ST6GALNAC3: variants seen among roughly 807,000 people sequenced by gnomAD.
ST6GALNAC3 encodes alpha-N-acetylgalactosaminide alpha-2,6-sialyltransferase 3.
A neutral mutation model predicts 32.7 loss-of-function variants in ST6GALNAC3; 25 were observed. The ratio of observed to expected loss-of-function variants is 0.76; its 90% CI spans 0.56 to 1.07. The LOEUF (loss-of-function observed/expected upper bound fraction) is 1.07, where lower values mean the gene tolerates loss of function less well. ST6GALNAC3 is among the 50% of genes least tolerant of loss of function. The probability of loss-of-function intolerance (pLI) is 0.00; values close to 1 mark genes in which losing one functional copy is unlikely to be tolerated. For missense variants in ST6GALNAC3, 355 were observed against 382.4 expected (o/e 0.93, Z 0.60); for synonymous variants, 129 against 133.1 (o/e 0.97, Z 0.21).
At chr1:76,519,796 T>A (rs1343330499) in intron 3 of ST6GALNAC3, among the ~76,000 whole-genome samples, 1 of 151,774 alleles carries the variant, frequency 6.6e-6, no homozygotes, top group Non-Finnish European at 1.5e-5. Context: ...ATTGTGCTTT[T>A]AATTTCCAAG....
At chr1:76,277,524 A>G (rs1221242682) in intron 1 of ST6GALNAC3, among the ~76,000 whole-genome samples, 17 of 127,002 alleles carry the variant, frequency 1.3e-4, no homozygotes, top group Non-Finnish European at 2.8e-4. Context: ...GTATATGTTT[A>G]TGTGTATATA....
chr1:76,181,267 A>T (rs1198599908), intron 1 of ST6GALNAC3, among the ~76,000 whole-genome samples: 1 of 152,216 alleles, frequency 6.6e-6, no homozygotes, highest in Non-Finnish European at 1.5e-5. Flanking sequence ...TTATTCAGAC[A>T]TGGATAGAAT....
chr1:76,330,078 C>G (rs1234250736), intron 2 of ST6GALNAC3, among the ~76,000 whole-genome samples: 3 of 152,048 alleles, frequency 2.0e-5, no homozygotes, highest in South Asian at 2.1e-4. Context: ...GTTGGGATTA[C>G]AAGCGTAAGC....
intron 1 of ST6GALNAC3, among the ~76,000 whole-genome samples, chr1:76,272,962 T>C (rs1008525533): frequency 3.9e-5 from 6 of 152,220 alleles, no homozygotes; most frequent in African/African-American, 1.4e-4. Context: ...AGGGGTACTT[T>C]ACCTGTGGGG....
At chr1:76,343,701 TACA>T (rs1392878720) in intron 2 of ST6GALNAC3, among the ~76,000 whole-genome samples, 1 of 152,188 alleles carries the variant, frequency 6.6e-6, no homozygotes, top group African/African-American at 2.4e-5. Flanking sequence ...CCCTACAGAG[TACA>T]AAGGTAAAGT....
At chr1:76,280,224 A>G in intron 1 of ST6GALNAC3, among the ~76,000 whole-genome samples, 1 of 152,156 alleles carries the variant, frequency 6.6e-6, no homozygotes, top group East Asian at 1.9e-4. Flanking sequence ...AGATGGAGAC[A>G]GTTTCAGAAA....
At chr1:76,304,781 G>A (rs547953656) in intron 1 of ST6GALNAC3, among the ~76,000 whole-genome samples, 14 of 152,178 alleles carry the variant, frequency 9.2e-5, no homozygotes, top group African/African-American at 3.4e-4. Context: ...TTGTCGGGAT[G>A]CCTCTGGCAG....
At chr1:76,607,022 G>A (rs1365564455) in intron 3 of ST6GALNAC3, among the ~76,000 whole-genome samples, 11 of 152,030 alleles carry the variant, frequency 7.2e-5, no homozygotes, top group African/African-American at 2.7e-4. Context: ...TGCAGACCTG[G>A]GCCTCTCATA....
intron 3 of ST6GALNAC3, among the ~76,000 whole-genome samples, chr1:76,499,088 A>C (rs771956084): frequency 1.4e-4 from 21 of 152,200 alleles, no homozygotes; most frequent in Non-Finnish European, 2.8e-4. Context: ...CAAAATAGGC[A>C]AAGAAGGAAA....
chr1:76,330,015 G>A (rs1036980654), intron 2 of ST6GALNAC3, among the ~76,000 whole-genome samples: 4 of 151,904 alleles, frequency 2.6e-5, no homozygotes, highest in Non-Finnish European at 4.4e-5. Context: ...CACCATGTTG[G>A]TCAGGCTGGT....
At chr1:76,305,337 G>C (rs112105589) in intron 1 of ST6GALNAC3, among the ~76,000 whole-genome samples, 181 of 152,210 alleles carry the variant, frequency 1.2e-3, no homozygotes, top group Non-Finnish European at 2.1e-3. Context: ...GCCTAATGAA[G>C]AAGATGTGAT....
chr1:76,094,182 G>A (rs1647090979), intron 1 of ST6GALNAC3, among the ~76,000 whole-genome samples: 3 of 152,192 alleles, frequency 2.0e-5, no homozygotes, highest in Admixed American at 1.3e-4. Flanking sequence ...AATTGTCCAT[G>A]TAGAGAAGAG....
chr1:76,211,526 G>C (rs1305000512), intron 1 of ST6GALNAC3, among the ~76,000 whole-genome samples: 2 of 152,152 alleles, frequency 1.3e-5, no homozygotes. Context: ...GCAAAGACTT[G>C]GACCCAAGTC....
At chr1:76,600,499 AGAACT>A (rs1332235326) in intron 3 of ST6GALNAC3, among the ~76,000 whole-genome samples, 2 of 152,122 alleles carry the variant, frequency 1.3e-5, no homozygotes, top group Non-Finnish European at 2.9e-5. Flanking sequence ...TAGGGACACA[AGAACT>A]GATAAGACAG....
intron 3 of ST6GALNAC3, among the ~76,000 whole-genome samples, chr1:76,499,205 T>C (rs1661036397): frequency 6.6e-6 from 1 of 152,220 alleles, no homozygotes; most frequent in Admixed American, 6.5e-5. Context: ...AATCTTGATG[T>C]AATGTTGGTA....
intron 3 of ST6GALNAC3, among the ~76,000 whole-genome samples, chr1:76,520,104 G>A (rs1662419844): frequency 6.6e-6 from 1 of 151,560 alleles, no homozygotes; most frequent in African/African-American, 2.4e-5. Context: ...TGCTTGTTGA[G>A]TCAGTGACTC....
At chr1:76,362,298 T>C (rs1650025845) in intron 2 of ST6GALNAC3, among the ~76,000 whole-genome samples, 1 of 151,974 alleles carries the variant, frequency 6.6e-6, no homozygotes, top group Non-Finnish European at 1.5e-5. Context: ...GAGAAACTGC[T>C]CCCATGGTGC....
intron 1 of ST6GALNAC3, among the ~76,000 whole-genome samples, chr1:76,207,780 C>T (rs545729833): frequency 6.6e-6 from 1 of 152,214 alleles, no homozygotes; most frequent in Non-Finnish European, 1.5e-5. Context: ...ACCCACAACC[C>T]CCATTCAAAT....
intron 3 of ST6GALNAC3, among the ~76,000 whole-genome samples, chr1:76,503,394 A>G (rs1022964365): frequency 4.6e-5 from 7 of 152,176 alleles, no homozygotes; most frequent in Non-Finnish European, 7.3e-5. Context: ...ACAGTTTTAT[A>G]CCACTGCAAC....
Sources: gnomAD v4.1 joint callset for allele counts (sites outside exome capture counted in the v4.1 genomes callset) on GRCh38, gnomAD v4.1.1 for gene constraint, MANE v1.5 for transcripts, NCBI Gene and HGNC (gene_info 2026-07-23, HGNC 2026-07-21) for gene names.